The following PGM5 variants were observed in gnomAD, a reference collection of about 807,000 sequenced individuals.
PGM5 encodes the protein phosphoglucomutase 5, also known as phosphoglucomutase-like protein 5.
A neutral mutation model predicts 59.2 loss-of-function variants in PGM5; 23 were observed. The ratio of observed to expected loss-of-function variants is 0.39; its 90% CI spans 0.28 to 0.55. The LOEUF (loss-of-function observed/expected upper bound fraction) is 0.55, where lower values mean the gene tolerates loss of function less well. Among genes scored for constraint, PGM5 ranks in the 20% least tolerant of loss-of-function variants. The pLI, the probability that PGM5 is intolerant of heterozygous loss-of-function variation, is 0.66. For synonymous variants in PGM5, 214 were observed against 286.0 expected, an observed-to-expected ratio of 0.75 and a Z score of 2.54; for missense variants, 574 against 748.3, an observed-to-expected ratio of 0.77 and a Z score of 2.72.
intron 10 of PGM5, among the ~76,000 whole-genome samples, chr9:68,516,472 G>C (rs1824826351): frequency 6.6e-6 from 1 of 152,200 alleles, no homozygotes; most frequent in South Asian, 2.1e-4. Context: ...GCTTGTAACT[G>C]GTTACCTCAA....
At chr9:68,491,946 A>G (rs140887148) in intron 9 of PGM5, among the ~76,000 whole-genome samples, 3,320 of 152,336 alleles carry the variant, frequency 0.022, 41 homozygotes, top group African/African-American at 0.042. Flanking sequence ...GTTATAAAGA[A>G]TTACCTTCTC....
At chr9:68,406,614 A>T (rs1344805544) in intron 6 of PGM5, 3 of 138,638 alleles carry the variant, frequency 2.2e-5, no homozygotes, top group Non-Finnish European at 4.6e-5. Context: ...GAAGGGGATA[A>T]ACATTCAAAC....
At chr9:68,431,134 A>G (rs1043766201) in intron 6 of PGM5, among the ~76,000 whole-genome samples, 1 of 152,208 alleles carries the variant, frequency 6.6e-6, no homozygotes, top group African/African-American at 2.4e-5. Flanking sequence ...AACGCATTAA[A>G]AGAGATTCAA....
At chr9:68,386,559 T>C (rs1186717128) in intron 3 of PGM5, among the ~76,000 whole-genome samples, 1 of 152,164 alleles carries the variant, frequency 6.6e-6, no homozygotes, top group Non-Finnish European at 1.5e-5. Context: ...GGTAATATCT[T>C]CAGTGCAAGT....
chr9:68,414,394 G>T (rs1296323572), intron 6 of PGM5, among the ~76,000 whole-genome samples: 6 of 152,172 alleles, frequency 3.9e-5, no homozygotes, highest in African/African-American at 1.4e-4. Flanking sequence ...TTCTGGCAAT[G>T]GGTTCAAATA....
intron 2 of PGM5, among the ~76,000 whole-genome samples, chr9:68,380,501 G>T (rs1554678227): frequency 6.6e-6 from 1 of 151,824 alleles, no homozygotes; most frequent in East Asian, 1.9e-4. Context: ...AAAGGAAAAA[G>T]ATCTAAATAA....
chr9:68,366,067 T>C (rs1184049678), intron 1 of PGM5, among the ~76,000 whole-genome samples: 3 of 152,062 alleles, frequency 2.0e-5, no homozygotes, highest in Non-Finnish European at 2.9e-5. Context: ...GTGTAGGTGA[T>C]GGAAAATTGT....
At chr9:68,408,616 T>C (rs1157539821) in intron 6 of PGM5, among the ~76,000 whole-genome samples, 7 of 152,234 alleles carry the variant, frequency 4.6e-5, no homozygotes, top group Admixed American at 3.3e-4. Flanking sequence ...TTCTTGCCAT[T>C]GCTTTTGGTG....
chr9:68,430,567 C>T (rs1823327888), intron 6 of PGM5, among the ~76,000 whole-genome samples: 2 of 152,332 alleles, frequency 1.3e-5, no homozygotes, highest in East Asian at 1.9e-4. Flanking sequence ...CTAATTTTCT[C>T]CAGGCCCAAG....
chr9:68,388,419 C>T (rs1453554433), intron 4 of PGM5, among the ~76,000 whole-genome samples: 2 of 149,584 alleles, frequency 1.3e-5, no homozygotes, highest in African/African-American at 2.5e-5. Context: ...CTTTGATCTG[C>T]CCCACTCTGC....
intron 9 of PGM5, among the ~76,000 whole-genome samples, chr9:68,487,841 G>A (rs1324095785): frequency 6.6e-6 from 1 of 152,196 alleles, no homozygotes; most frequent in Non-Finnish European, 1.5e-5. Flanking sequence ...ATGGTTGGGT[G>A]TGCAGGCTTG....
At chr9:68,392,703 C>G (rs1337058337) in intron 6 of PGM5, among the ~76,000 whole-genome samples, 1 of 152,044 alleles carries the variant, frequency 6.6e-6, no homozygotes, top group Non-Finnish European at 1.5e-5. Flanking sequence ...GTCTCTGTGC[C>G]TCAGTTTTCT....
chr9:68,485,876 G>A (rs1234044013), intron 9 of PGM5, among the ~76,000 whole-genome samples: 1 of 152,170 alleles, frequency 6.6e-6, no homozygotes, highest in Middle Eastern at 3.2e-3. Context: ...GCTCAAGGGG[G>A]GTGATGAGAG....
intron 9 of PGM5, among the ~76,000 whole-genome samples, chr9:68,484,679 A>G (rs1249476984): frequency 6.6e-6 from 1 of 152,130 alleles, no homozygotes; most frequent in Non-Finnish European, 1.5e-5. Context: ...TATGTCAAAT[A>G]AATACAGACC....
At chr9:68,369,914 C>T (rs7875927) in intron 1 of PGM5, among the ~76,000 whole-genome samples, 8,525 of 152,080 alleles carry the variant, frequency 0.056, 802 homozygotes, top group African/African-American at 0.19. Flanking sequence ...ACATTCATGC[C>T]TTGAGTTTGT....
chr9:68,415,818 A>G (rs1192167303), intron 6 of PGM5, among the ~76,000 whole-genome samples: 1 of 115,086 alleles, frequency 8.7e-6, no homozygotes, highest in African/African-American at 3.1e-5. Flanking sequence ...TATCTATCTT[A>G]TCTATCTATC....
At chr9:68,409,052 G>A (rs577998509) in intron 6 of PGM5, among the ~76,000 whole-genome samples, 44 of 152,152 alleles carry the variant, frequency 2.9e-4, no homozygotes, top group African/African-American at 8.9e-4. Context: ...TTGACTTGGC[G>A]ATGCGGGCTC....
At chr9:68,479,048 A>G (rs1824148705) in intron 7 of PGM5, among the ~76,000 whole-genome samples, 2 of 152,160 alleles carry the variant, frequency 1.3e-5, no homozygotes, top group African/African-American at 4.8e-5. Context: ...TTGGATTCAA[A>G]CTTTATGAGT....
chr9:68,456,097 C>T (rs895086330), intron 6 of PGM5, among the ~76,000 whole-genome samples: 4 of 152,068 alleles, frequency 2.6e-5, no homozygotes, highest in African/African-American at 7.2e-5. Context: ...TTCTTGTGCG[C>T]GTGTGTTCAA....
Sources: allele counts gnomAD v4.1 joint callset (sites outside exome capture counted in the v4.1 genomes callset), GRCh38; gene constraint gnomAD v4.1.1; transcripts MANE v1.5; gene names NCBI Gene and HGNC (gene_info 2026-07-23, HGNC 2026-07-21).